The following NR3C2 variants were observed in gnomAD, a reference collection of about 807,000 sequenced individuals.
NR3C2 encodes the protein nuclear receptor subfamily 3 group C member 2, also known as mineralocorticoid receptor.
In NR3C2, 15 loss-of-function variants were observed where a neutral mutation model predicts 86.4. The observed-to-expected ratio is 0.17, with a 90% CI of 0.12 to 0.27. The LOEUF is 0.27. NR3C2 is among the 10% of genes least tolerant of loss of function. The probability of loss-of-function intolerance (pLI) is 1.00; values close to 1 mark genes in which losing one functional copy is unlikely to be tolerated. For synonymous variants in NR3C2, 458 were observed against 450.5 expected (o/e 1.02, Z -0.21); for missense variants, 960 against 1,195.6 (o/e 0.80, Z 2.91).
intron 2 of NR3C2, among the ~76,000 whole-genome samples, chr4:148,305,188 G>A (rs182131243): frequency 6.6e-6 from 1 of 152,138 alleles, no homozygotes; most frequent in Admixed American, 6.5e-5. Flanking sequence ...GTAGGAAATC[G>A]TTCATTTTTC....
At chr4:148,145,724 T>C (rs1290989733) in intron 6 of NR3C2, among the ~76,000 whole-genome samples, 1 of 152,164 alleles carries the variant, frequency 6.6e-6, no homozygotes, top group Admixed American at 6.5e-5. Flanking sequence ...CTTGGTCCTC[T>C]AGCTACTGGT....
In NR3C2 at chr4:148,287,029, A is replaced by G. The variant is rs1292057887; in HGVS notation, c.1758-26912T>C. 2.6e-5 allele frequency among the ~76,000 whole-genome samples: 4 copies of G among 152,232 alleles called. No homozygotes were observed. In the East Asian group the frequency reaches 7.7e-4, roughly 29 times the overall value. On this transcript the variant is annotated intron_variant, in intron 2 of 8. Coordinates refer to ENST00000358102, the MANE Select transcript of NR3C2 (RefSeq NM_000901.5). ...TTTAAATGAAAGCCCCACATAATGTAGCACTCTAATTTTATTTAAACAAAA... is the reference window on the plus strand; with the variant it reads ...TTTAAATGAAAGCCCCACATAATGTGGCACTCTAATTTTATTTAAACAAAA...
intron 2 of NR3C2, among the ~76,000 whole-genome samples, chr4:148,323,260 G>T (rs1183307425): frequency 2.6e-4 from 36 of 139,568 alleles, no homozygotes; most frequent in South Asian, 5.2e-4. Context: ...CTGCGTGCTG[G>T]GAGAACCACT....
At chr4:148,263,922 A>C (rs1740251723) in intron 2 of NR3C2, among the ~76,000 whole-genome samples, 1 of 152,154 alleles carries the variant, frequency 6.6e-6, no homozygotes, top group Admixed American at 6.5e-5. Context: ...CACTTATCCT[A>C]ATCCCTCGAG....
At chr4:148,121,261 T>A (rs920779108) in intron 6 of NR3C2, among the ~76,000 whole-genome samples, 1 of 152,166 alleles carries the variant, frequency 6.6e-6, no homozygotes, top group African/African-American at 2.4e-5. Flanking sequence ...GGGATCTCTT[T>A]TGCAGGATGG....
chr4:148,099,014 C>G (rs1184807297), intron 8 of NR3C2, among the ~76,000 whole-genome samples: 2 of 152,132 alleles, frequency 1.3e-5, no homozygotes, highest in Non-Finnish European at 2.9e-5. Context: ...ATGTACTGCT[C>G]CACCCAAACT....
intron 6 of NR3C2, among the ~76,000 whole-genome samples, chr4:148,121,194 T>G (rs1438707193): frequency 6.6e-6 from 1 of 152,172 alleles, no homozygotes; most frequent in African/African-American, 2.4e-5. Flanking sequence ...GAGGTCTGGA[T>G]AGTGGATCCA....
intron 6 of NR3C2, among the ~76,000 whole-genome samples, chr4:148,122,579 C>A (rs1732557092): frequency 6.6e-6 from 1 of 152,152 alleles, no homozygotes; most frequent in Non-Finnish European, 1.5e-5. Flanking sequence ...TCCTCTTTCC[C>A]TTCTTCCTCC....
intron 3 of NR3C2, among the ~76,000 whole-genome samples, chr4:148,203,646 C>A (rs568696557): frequency 4.7e-4 from 71 of 149,950 alleles, no homozygotes; most frequent in Non-Finnish European, 9.0e-4. Flanking sequence ...TCCCTTCCCC[C>A]ATCCCTCCCC....
At chr4:148,101,612 C>A (rs1375584482) in intron 8 of NR3C2, among the ~76,000 whole-genome samples, 1 of 152,150 alleles carries the variant, frequency 6.6e-6, no homozygotes, top group Non-Finnish European at 1.5e-5. Context: ...CACATCCTCA[C>A]ATATATACAC....
At chr4:148,089,044 C>A (rs1446872465) in intron 8 of NR3C2, among the ~76,000 whole-genome samples, 3 of 152,144 alleles carry the variant, frequency 2.0e-5, no homozygotes, top group African/African-American at 7.2e-5. Flanking sequence ...GTTTAATAGT[C>A]TGGTGAACTT....
At chr4:148,443,160 T>G (rs1750434476), upstream of NR3C2, among the ~76,000 whole-genome samples, 1 of 145,884 alleles carries the variant, frequency 6.9e-6, no homozygotes, top group African/African-American at 2.6e-5. Flanking sequence ...TTTAGTTGTT[T>G]TAACCGTGCT....
chr4:148,294,108 C>T (rs1741924408), intron 2 of NR3C2, among the ~76,000 whole-genome samples: 2 of 152,186 alleles, frequency 1.3e-5, no homozygotes, highest in Non-Finnish European at 2.9e-5. Context: ...AGTACAAGCA[C>T]TATCTCCATG....
chr4:148,312,325 G>A (rs1480526482), intron 2 of NR3C2, among the ~76,000 whole-genome samples: 1 of 151,588 alleles, frequency 6.6e-6, no homozygotes, highest in Admixed American at 6.6e-5. Flanking sequence ...GAGTATGGTA[G>A]AAATGCTATA....
intron 3 of NR3C2, among the ~76,000 whole-genome samples, chr4:148,196,630 T>A (rs1736453406): frequency 2.0e-5 from 3 of 152,200 alleles, no homozygotes. Flanking sequence ...TCAATAAAAA[T>A]AATGTGCATC....
chr4:148,338,537 T>C (rs1744600819), intron 2 of NR3C2, among the ~76,000 whole-genome samples: 1 of 152,108 alleles, frequency 6.6e-6, no homozygotes, highest in Non-Finnish European at 1.5e-5. Context: ...AAAAATCAGG[T>C]CAAAAATCAA....
At chr4:148,101,675 G>T (rs1046159385) in intron 8 of NR3C2, among the ~76,000 whole-genome samples, 1 of 152,112 alleles carries the variant, frequency 6.6e-6, no homozygotes, top group Non-Finnish European at 1.5e-5. Context: ...ATAGAGTTTC[G>T]GGATTATTTA....
intron 2 of NR3C2, among the ~76,000 whole-genome samples, chr4:148,265,595 C>G (rs866391391): frequency 1.3e-5 from 2 of 151,972 alleles, no homozygotes; most frequent in African/African-American, 2.4e-5. Flanking sequence ...ATTTTTTAAA[C>G]TCACTTAATA....
At chr4:148,421,193 A>G (rs1229151033) in intron 2 of NR3C2, among the ~76,000 whole-genome samples, 1 of 152,230 alleles carries the variant, frequency 6.6e-6, no homozygotes, top group African/African-American at 2.4e-5. Context: ...ATAATAAAAT[A>G]TACATAAAAT....
Sources: allele counts gnomAD v4.1 joint callset (sites outside exome capture counted in the v4.1 genomes callset), GRCh38; gene constraint gnomAD v4.1.1; transcripts MANE v1.5; gene names NCBI Gene and HGNC (gene_info 2026-07-23, HGNC 2026-07-21).